Variants in VPS41 observed in about 807,000 individuals in gnomAD.
The protein encoded by VPS41 is VPS41 subunit of HOPS complex.
A neutral mutation model predicts 130.9 loss-of-function variants in VPS41; 85 were observed. The observed-to-expected ratio is 0.65, with a 90% CI of 0.55 to 0.78. VPS41 has a LOEUF of 0.78. Among genes scored for constraint, VPS41 ranks in the 30% least tolerant of loss-of-function variants. The probability of loss-of-function intolerance (pLI) is 0.00; values close to 1 mark genes in which losing one functional copy is unlikely to be tolerated. For missense variants in VPS41, 874 were observed against 1,018.7 expected (o/e 0.86, Z 1.93); for synonymous variants, 335 against 332.9 (o/e 1.01, Z -0.07).
At chr7:38,906,649 C>A (rs1291086293) in intron 1 of VPS41, among the ~76,000 whole-genome samples, 6 of 152,100 alleles carry the variant, frequency 3.9e-5, no homozygotes, top group African/African-American at 1.4e-4. Context: ...CACGACTAGT[C>A]TTTTTAAGAT....
intron 19 of VPS41, among the ~76,000 whole-genome samples, chr7:38,756,309 C>A (rs569057047): frequency 6.6e-6 from 1 of 151,250 alleles, no homozygotes; most frequent in African/African-American, 2.4e-5. Context: ...CATTAGGGGG[C>A]GTAAATTTAT....
At chr7:38,870,738 T>TAAAAAAAAAAAAAA (rs1786334268) in intron 2 of VPS41, among the ~76,000 whole-genome samples, 1 of 68,488 alleles carries the variant, frequency 1.5e-5, no homozygotes, top group Non-Finnish European at 2.3e-5. Flanking sequence ...GACTATATGT[T>TAAAAAAAAAAAAAA]CAAAAAAAAA....
chr7:38,789,805 T>G lies in VPS41; in HGVS notation c.780A>C (p.Glu260Asp). Residue 260 changes from glutamate to aspartate, a missense_variant, in exon 10 of 29, where the codon GAA (glutamate) becomes GAC (aspartate). Transcript: ENST00000310301. ...EMRDLPSRYV[E>D]IVSQFETEFY... is the part of the protein sequence containing the mutation. Reference sequence around the variant, plus strand: ...AGGCAAGTGTTGGAGCCATACCTATTTCAACATATCGACTTGGCAAATCCC... The same window carrying G: ...AGGCAAGTGTTGGAGCCATACCTATGTCAACATATCGACTTGGCAAATCCC... The G allele has an allele frequency of 5.0e-6, 8 of 1,613,722 alleles. No homozygotes were observed. Among genetic ancestry groups the G allele is most frequent in the Non-Finnish European group, 6.8e-6 (8 of 1,179,692 alleles).
intron 4 of VPS41, among the ~76,000 whole-genome samples, chr7:38,837,814 A>C (rs529283724): frequency 6.6e-5 from 10 of 152,358 alleles, no homozygotes; most frequent in South Asian, 4.1e-4. Flanking sequence ...TCTGAGTGCT[A>C]AGTTATTAAT....
intron 3 of VPS41, among the ~76,000 whole-genome samples, chr7:38,868,756 T>G (rs1320838201): frequency 6.6e-6 from 1 of 152,088 alleles, no homozygotes; most frequent in Non-Finnish European, 1.5e-5. Flanking sequence ...CAATAATAAC[T>G]TAATAAAAGA....
chr7:38,775,274 T>C (rs1453721741), intron 11 of VPS41: 1 of 152,200 alleles, frequency 6.6e-6, no homozygotes, highest in Non-Finnish European at 1.5e-5. Context: ...AAAATGAGTA[T>C]CTACATACAC....
At chr7:38,893,220 G>T (rs1786904799) in intron 2 of VPS41, among the ~76,000 whole-genome samples, 1 of 152,150 alleles carries the variant, frequency 6.6e-6, no homozygotes, top group Non-Finnish European at 1.5e-5. Context: ...CAGCCACATT[G>T]AGTGCCTCAT....
chr7:38,808,710 A>G (rs1479935285), intron 7 of VPS41, among the ~76,000 whole-genome samples: 1 of 152,198 alleles, frequency 6.6e-6, no homozygotes, highest in Non-Finnish European at 1.5e-5. Flanking sequence ...CGGAAATACT[A>G]TCCTAGAGAT....
chr7:38,744,238 T>A (rs1191273605), intron 23 of VPS41, among the ~76,000 whole-genome samples: 1 of 152,198 alleles, frequency 6.6e-6, no homozygotes, highest in Non-Finnish European at 1.5e-5. Flanking sequence ...AAGTTTTCCA[T>A]GAGTTTTTAA....
intron 4 of VPS41, among the ~76,000 whole-genome samples, chr7:38,862,327 CA>C (rs1272973895): frequency 6.6e-6 from 1 of 152,098 alleles, no homozygotes; most frequent in East Asian, 1.9e-4. Context: ...GATACCCAGT[CA>C]AAATATATAA....
In VPS41 at chr7:38,776,758, T is replaced by A; in HGVS notation, c.803A>T (p.Glu268Val). The change falls in exon 11 of 29, where the codon GAA (glutamate) becomes GTA (valine). Residue 268 changes from glutamate (E) to valine (V), a missense_variant. Transcript: ENST00000310301. The stretch of plus-strand genomic sequence containing the variant: ...AGGTGCAAGTCCACTGATGTAGAAT[T>A]CAGTTTCAAACTGAGACACTGCAAA... ...YVEIVSQFET[E>V]FYISGLAPLC... The A allele has an allele frequency of 6.2e-7, 1 of 1,610,086 alleles. No homozygotes were observed. Among genetic ancestry groups the A allele is most frequent in the Non-Finnish European group, 8.5e-7 (1 of 1,176,666 alleles).
rs73694762 is a variant in VPS41, at chr7:38,796,062, T to C, written c.571-451A>G. ...CATCAGGCAAGCAGCTAACTAAAAA[T>C]GAACCAAGAGACCACAGCTTTGTTT... On this transcript the variant is annotated intron_variant, in intron 8 of 28. Transcript: ENST00000310301. Among the ~76,000 whole-genome samples, 1,050 of 152,242 alleles carry C rather than the reference T, an allele frequency of 6.9e-3. 13 individuals are homozygous for C. Among genetic ancestry groups the C allele is most frequent in the African/African-American group, 0.024 (994 of 41,560 alleles).
At chr7:38,790,880 C>T (rs141880394) in intron 9 of VPS41, among the ~76,000 whole-genome samples, 1,880 of 152,284 alleles carry the variant, frequency 0.012, 50 homozygotes, top group African/African-American at 0.042. Context: ...AATCAACATA[C>T]TTATATATAA....
intron 5 of VPS41, among the ~76,000 whole-genome samples, chr7:38,827,834 A>G (rs1176498832): frequency 1.3e-5 from 2 of 152,236 alleles, no homozygotes; most frequent in Non-Finnish European, 2.9e-5. Flanking sequence ...TGAAAACAAT[A>G]CTTCAGTGTA....
intron 10 of VPS41, 38 bp downstream of exon 10, chr7:38,789,763 A>G: frequency 2.5e-6 from 4 of 1,608,970 alleles, no homozygotes; most frequent in African/African-American, 1.3e-5. Flanking sequence ...TTTTGAATGA[A>G]GTTTTACATC....
At chr7:38,806,385 A>C (rs1462537024) in intron 7 of VPS41, among the ~76,000 whole-genome samples, 1 of 152,226 alleles carries the variant, frequency 6.6e-6, no homozygotes, top group Admixed American at 6.5e-5. Context: ...CCAAAGACAG[A>C]AGAATGGTTA....
chr7:38,906,371 G>C (rs925794667), intron 1 of VPS41, among the ~76,000 whole-genome samples: 2 of 151,630 alleles, frequency 1.3e-5, no homozygotes, highest in African/African-American at 4.8e-5. Context: ...TTTAAACAGG[G>C]TCTTGCTCTG....
At chr7:38,881,053 T>TA (rs1786593364) in intron 2 of VPS41, among the ~76,000 whole-genome samples, 1 of 152,124 alleles carries the variant, frequency 6.6e-6, no homozygotes. Flanking sequence ...TTTACTGTAT[T>TA]AGTTTCCTAT....
At chr7:38,907,415 T>C (rs976780671) in intron 1 of VPS41, among the ~76,000 whole-genome samples, 1 of 152,198 alleles carries the variant, frequency 6.6e-6, no homozygotes, top group Non-Finnish European at 1.5e-5. Context: ...CAAGGTCCTG[T>C]GGGACAACCA....
Sources: allele counts gnomAD v4.1 joint callset (sites outside exome capture counted in the v4.1 genomes callset), GRCh38; gene constraint gnomAD v4.1.1; transcripts MANE v1.5; gene names NCBI Gene and HGNC (gene_info 2026-07-23, HGNC 2026-07-21).